The following HTR1F variants were observed in gnomAD, a reference collection of about 807,000 sequenced individuals.
HTR1F encodes the protein 5-hydroxytryptamine (serotonin) receptor 1F, G protein-coupled.
Under a neutral mutation model 24.0 loss-of-function variants are expected in HTR1F, and 17 were observed. The ratio of observed to expected loss-of-function variants is 0.71; its 90% confidence interval spans 0.48 to 1.06. The LOEUF is 1.06. HTR1F is among the 50% of genes least tolerant of loss of function. HTR1F has a pLI of 0.00. For synonymous variants in HTR1F, 186 were observed against 156.8 expected, an observed-to-expected ratio of 1.19 and a Z score of -1.39; for missense variants, 391 against 427.8, an observed-to-expected ratio of 0.91 and a Z score of 0.76.
chr3:87,797,749 T>C (rs1703928629), intron 1 of HTR1F, among the ~76,000 whole-genome samples: 1 of 152,150 alleles, frequency 6.6e-6, no homozygotes. Context: ...TGAAAAAGTT[T>C]CAAAAAGAAG....
chr3:87,982,907 G>C (rs1018006817), intron 2 of HTR1F, among the ~76,000 whole-genome samples: 1 of 152,186 alleles, frequency 6.6e-6, no homozygotes, highest in Non-Finnish European at 1.5e-5. Flanking sequence ...ATGCACTGCA[G>C]CCTCAAGGAG....
At chr3:87,905,759 T>C (rs1703653353) in intron 2 of HTR1F, among the ~76,000 whole-genome samples, 1 of 151,786 alleles carries the variant, frequency 6.6e-6, no homozygotes, top group Non-Finnish European at 1.5e-5. Context: ...ATGGAAACTA[T>C]CATTCTAATC....
intron 2 of HTR1F, among the ~76,000 whole-genome samples, chr3:87,868,995 C>A (rs988932127): frequency 1.3e-5 from 2 of 151,658 alleles, no homozygotes; most frequent in African/African-American, 4.8e-5. Context: ...ATAGCATGAA[C>A]CTTTGAATTT....
chr3:87,840,918 A>C (rs1704788803), intron 2 of HTR1F, among the ~76,000 whole-genome samples: 2 of 151,940 alleles, frequency 1.3e-5, no homozygotes, highest in South Asian at 4.1e-4. Flanking sequence ...GACAGTTACC[A>C]GTGGCTCTGA....
At position 87,991,893 on chromosome 3, in the gene HTR1F, G is replaced by C; in HGVS notation, c.*43G>C. On this transcript the variant is annotated 3_prime_UTR_variant, in exon 3 of 3. Transcript: ENST00000319595. ...ATTGAAGGATGGGGGTTTTTGAGGG[G>C]AGGAATAACTAGATGAATGCCAAAT... 4.0e-6 allele frequency: 6 copies of C among 1,492,330 alleles called. No homozygotes were observed. Among genetic ancestry groups the C allele is most frequent in the Non-Finnish European group, 5.4e-6 (6 of 1,114,558 alleles). 92.4% of individuals were successfully genotyped at this position (1,492,330 alleles called of 1,614,324 possible).
intron 2 of HTR1F, among the ~76,000 whole-genome samples, chr3:87,869,424 G>GATAC (rs1328483938): frequency 0.023 from 3,074 of 134,618 alleles, 54 homozygotes; most frequent in African/African-American, 0.036. Context: ...TAGATAGATA[G>GATAC]ATAGATAGAT....
intron 2 of HTR1F, among the ~76,000 whole-genome samples, chr3:87,839,478 G>A (rs1439388733): frequency 6.6e-6 from 1 of 152,030 alleles, no homozygotes; most frequent in African/African-American, 2.4e-5. Flanking sequence ...ATATTTTCAT[G>A]TTGGATAGTG....
At chr3:87,884,390 A>G (rs1705885657) in intron 2 of HTR1F, among the ~76,000 whole-genome samples, 1 of 152,210 alleles carries the variant, frequency 6.6e-6, no homozygotes, top group Non-Finnish European at 1.5e-5. Flanking sequence ...CAGCCACTGC[A>G]AAACATGCCA....
intron 2 of HTR1F, among the ~76,000 whole-genome samples, chr3:87,989,350 A>G (rs780822456): frequency 3.9e-5 from 6 of 152,196 alleles, no homozygotes; most frequent in Non-Finnish European, 8.8e-5. Context: ...GGCTGTCCTT[A>G]CTAGTAAGTT....
intron 2 of HTR1F, among the ~76,000 whole-genome samples, chr3:87,902,967 G>T (rs1050712897): frequency 1.3e-5 from 2 of 151,388 alleles, no homozygotes; most frequent in African/African-American, 4.9e-5. Context: ...CAGAAATAAT[G>T]CCGCATATCT....
intron 2 of HTR1F, among the ~76,000 whole-genome samples, chr3:87,914,477 C>G (rs746659132): frequency 1.3e-5 from 2 of 152,036 alleles, no homozygotes; most frequent in Non-Finnish European, 2.9e-5. Context: ...CACACACGGC[C>G]CAGAAACACA....
At chr3:87,897,559 T>G (rs904996162) in intron 2 of HTR1F, among the ~76,000 whole-genome samples, 1 of 152,156 alleles carries the variant, frequency 6.6e-6, no homozygotes, top group African/African-American at 2.4e-5. Flanking sequence ...TTGAGCTTAC[T>G]AACTTACATC....
At chr3:87,927,159 C>G (rs550439467) in intron 2 of HTR1F, among the ~76,000 whole-genome samples, 12 of 152,180 alleles carry the variant, frequency 7.9e-5, no homozygotes, top group Non-Finnish European at 1.5e-4. Context: ...TATGCCACAA[C>G]TTAAGTGTAG....
At chr3:87,956,510 G>T (rs1704947112) in intron 2 of HTR1F, among the ~76,000 whole-genome samples, 1 of 151,288 alleles carries the variant, frequency 6.6e-6, no homozygotes, top group Admixed American at 6.6e-5. Flanking sequence ...TTTGGAACCA[G>T]CTTGCCAGCT....
chr3:87,981,620 T>C (rs1275905905), intron 2 of HTR1F, among the ~76,000 whole-genome samples: 4 of 152,166 alleles, frequency 2.6e-5, no homozygotes, highest in Non-Finnish European at 5.9e-5. Flanking sequence ...CCACCCTTCC[T>C]TTACATTCCA....
At chr3:87,919,841 C>T (rs1703972830) in intron 2 of HTR1F, among the ~76,000 whole-genome samples, 1 of 151,814 alleles carries the variant, frequency 6.6e-6, no homozygotes, top group Admixed American at 6.6e-5. Context: ...GTAGAACCAC[C>T]ATTTGATCCA....
In HTR1F at chr3:87,814,212, C is replaced by T. The variant is rs189051568; in HGVS notation, c.-159-7796C>T. Among the ~76,000 whole-genome samples the T allele has an allele frequency of 3.7e-4, 56 of 152,146 alleles. No homozygotes were observed. The East Asian group carries it at 6.2e-3, about 17-fold the overall frequency. On this transcript the variant is annotated intron_variant, in intron 1 of 2. Transcript: ENST00000319595. Reference sequence around the variant, plus strand: ...CAGATTTGAATCCCAACATCATAACCTAGTGTATGATTTTAACAAAATTAC... The same window carrying T: ...CAGATTTGAATCCCAACATCATAACTTAGTGTATGATTTTAACAAAATTAC...
chr3:87,930,828 C>T (rs760595817), intron 2 of HTR1F, among the ~76,000 whole-genome samples: 29 of 152,170 alleles, frequency 1.9e-4, no homozygotes, highest in South Asian at 1.7e-3. Flanking sequence ...TGTTTACATA[C>T]ATACCTATAC....
chr3:87,924,171 A>G (rs1704073479), intron 2 of HTR1F, among the ~76,000 whole-genome samples: 1 of 152,034 alleles, frequency 6.6e-6, no homozygotes, highest in South Asian at 2.1e-4. Context: ...CAATCTCATT[A>G]CATGTTCTTG....
Sources: allele counts gnomAD v4.1 joint callset (sites outside exome capture counted in the v4.1 genomes callset), GRCh38; gene constraint gnomAD v4.1.1; transcripts MANE v1.5; gene names NCBI Gene and HGNC (gene_info 2026-07-23, HGNC 2026-07-21).